Variants in MAST4 observed in about 807,000 individuals in gnomAD.
The protein encoded by MAST4 is microtubule associated serine/threonine kinase family member 4.
Under a neutral mutation model 162.7 loss-of-function variants are expected in MAST4, and 89 were observed. The observed-to-expected ratio is 0.55, with a 90% CI of 0.46 to 0.65. MAST4 has a LOEUF of 0.65. MAST4 is among the 30% of genes least tolerant of loss of function. The probability of loss-of-function intolerance (pLI) is 0.00; values close to 1 mark genes in which losing one functional copy is unlikely to be tolerated. For missense variants in MAST4, 3,153 were observed against 3,374.0 expected (o/e 0.93, Z 1.62); for synonymous variants, 1,479 against 1,361.1 (o/e 1.09, Z -1.91).
chr5:66,641,538 C>T (rs10067213), intron 1 of MAST4, among the ~76,000 whole-genome samples: 46,604 of 152,084 alleles, frequency 0.31, 7,504 homozygotes, highest in African/African-American at 0.4. Context: ...TGGCAGTGAG[C>T]ATCCCTAGTG....
At chr5:67,058,958 C>T (rs550038197) in intron 5 of MAST4, among the ~76,000 whole-genome samples, 6 of 152,180 alleles carry the variant, frequency 3.9e-5, no homozygotes, top group Non-Finnish European at 8.8e-5. Context: ...ATTAATCTTA[C>T]AGTTCTTCAG....
chr5:67,015,249 T>G (rs1183966837), intron 4 of MAST4, among the ~76,000 whole-genome samples: 1 of 152,242 alleles, frequency 6.6e-6, no homozygotes, highest in Non-Finnish European at 1.5e-5. Context: ...GTCCTCGTTT[T>G]AAGCCAGTTC....
At chr5:67,077,890 A>G (rs1448230863) in intron 5 of MAST4, among the ~76,000 whole-genome samples, 10 of 152,186 alleles carry the variant, frequency 6.6e-5, no homozygotes, top group African/African-American at 2.4e-4. Context: ...ACCTGAGGTC[A>G]GGAGTTTGAG....
intron 1 of MAST4, among the ~76,000 whole-genome samples, chr5:66,639,487 A>AT (rs1273540847): frequency 6.6e-6 from 1 of 152,252 alleles, no homozygotes; most frequent in East Asian, 1.9e-4. Flanking sequence ...ACAAATGCAC[A>AT]TAACTATATT....
In MAST4 at chr5:66,949,470, G is replaced by A. The variant is rs148111063; in HGVS notation, c.674+49488G>A. Reference sequence around the variant, plus strand: ...CGGCACTTCTTTTTCCTGCTGCAATGTGAAATAGAATGTGTTTGCTTCCCC... The same window carrying A: ...CGGCACTTCTTTTTCCTGCTGCAATATGAAATAGAATGTGTTTGCTTCCCC... On this transcript the variant is annotated intron_variant, in intron 4 of 28. Transcript: ENST00000403625. Among the ~76,000 whole-genome samples the A allele has an allele frequency of 4.2e-3, 635 of 152,274 alleles. 5 individuals carry two copies. Among genetic ancestry groups the A allele is most frequent in the Middle Eastern group, 0.017 (5 of 294 alleles).
chr5:67,091,217 T>A (rs934994068), intron 6 of MAST4, among the ~76,000 whole-genome samples: 1 of 152,218 alleles, frequency 6.6e-6, no homozygotes, highest in Non-Finnish European at 1.5e-5. Flanking sequence ...TGTCATGCAT[T>A]TTACGTTACT....
chr5:67,161,939 C>G (rs1206143042), intron 27 of MAST4, among the ~76,000 whole-genome samples: 1 of 152,180 alleles, frequency 6.6e-6, no homozygotes, highest in African/African-American at 2.4e-5. Flanking sequence ...GCCCGATGCC[C>G]TGCTAAGGTG....
intron 1 of MAST4, among the ~76,000 whole-genome samples, chr5:66,681,667 A>G (rs1748335595): frequency 6.6e-6 from 1 of 152,180 alleles, no homozygotes; most frequent in South Asian, 2.1e-4. Flanking sequence ...TGTGCTTCTC[A>G]TACAAAAAGG....
chr5:67,103,638 A>G (rs1765273575), intron 9 of MAST4, among the ~76,000 whole-genome samples: 1 of 152,168 alleles, frequency 6.6e-6, no homozygotes, highest in African/African-American at 2.4e-5. Flanking sequence ...TTTTAGATTT[A>G]TTTTACCAAG....
At chr5:66,883,974 A>ACCTGCCT (rs1312292091) in intron 3 of MAST4, among the ~76,000 whole-genome samples, 1 of 152,188 alleles carries the variant, frequency 6.6e-6, no homozygotes, top group Non-Finnish European at 1.5e-5. Flanking sequence ...ATCGTAAGCC[A>ACCTGCCT]CCTGCCTCTT....
At chr5:66,638,128 A>G (rs1034931091) in intron 1 of MAST4, among the ~76,000 whole-genome samples, 1 of 152,174 alleles carries the variant, frequency 6.6e-6, no homozygotes, top group Admixed American at 6.5e-5. Context: ...GGAACCTTCA[A>G]GAGCTCCTTA....
intron 18 of MAST4, among the ~76,000 whole-genome samples, chr5:67,134,897 T>A (rs1045693682): frequency 6.6e-6 from 1 of 152,194 alleles, no homozygotes; most frequent in Admixed American, 6.5e-5. Flanking sequence ...AGAAATGTTG[T>A]TAACATAGAA....
At chr5:66,979,639 C>T (rs915408516) in intron 4 of MAST4, among the ~76,000 whole-genome samples, 1 of 152,164 alleles carries the variant, frequency 6.6e-6, no homozygotes, top group East Asian at 1.9e-4. Context: ...AATTGAATGT[C>T]GTTAATACAT....
chr5:66,693,747 C>G (rs1330579774), intron 1 of MAST4, among the ~76,000 whole-genome samples: 1 of 130,168 alleles, frequency 7.7e-6, no homozygotes, highest in Non-Finnish European at 1.6e-5. Context: ...ATGGTCCTCG[C>G]TCTCCTAGAA....
In MAST4 at chr5:66,926,673, T is replaced by C. The variant is rs1764928470; in HGVS notation, c.674+26691T>C. Among the ~76,000 whole-genome samples the C allele has an allele frequency of 2.0e-5, 3 of 151,864 alleles. No individual in the cohort carries two copies. The South Asian group carries it at 6.2e-4, about 31-fold the overall frequency. ...ATATGTATATATATGTGTGTGTGTA[T>C]ATATATATATTTCCATTATTGTTCC... On this transcript the variant is annotated intron_variant, in intron 4 of 28. Transcript: ENST00000403625.
At chr5:67,000,043 A>G (rs972171311) in intron 4 of MAST4, among the ~76,000 whole-genome samples, 3 of 152,208 alleles carry the variant, frequency 2.0e-5, no homozygotes, top group African/African-American at 7.2e-5. Context: ...GTACAAAATG[A>G]TTACAAGGAT....
rs147507231 is a variant in MAST4 at position 66,796,695 on chromosome 5, T to C, written c.642+7901T>C. Among the ~76,000 whole-genome samples the C allele has an allele frequency of 2.0e-3, 304 of 152,312 alleles. 2 individuals are homozygous for C. The highest frequency in any genetic ancestry group is 7.0e-3 in the African/African-American group (291 of 41,580). ...TTGGAACAGCAATACTACACATATA[T>C]GTACGTAGATCTCTGCATGTTAGAG... On this transcript the variant is annotated intron_variant, in intron 3 of 28. Coordinates refer to ENST00000403625, the MANE Select transcript of MAST4 (RefSeq NM_001164664.2).
chr5:66,957,717 C>A (rs1311952969), intron 4 of MAST4, among the ~76,000 whole-genome samples: 1 of 152,214 alleles, frequency 6.6e-6, no homozygotes, highest in Non-Finnish European at 1.5e-5. Context: ...ATCCTATAAA[C>A]CTCCACTGGC....
rs1258718021 is a variant in MAST4, at chr5:67,164,809, T to G, written c.5630T>G (p.Leu1877Arg). The part of the protein sequence containing the change: ...NKSYLLEPWF[L>R]PPSRGLQNSP... ...TCCTACCTGCTGGAGCCTTGGTTCC[T>G]GCCCCCCAGCCGAGGTCTCCAGAAT... The change falls in exon 29 of 29, where the codon CTG becomes CGG. Residue 1877 changes from leucine (L) to arginine (R), a missense_variant. Leu to Arg is a moderately radical substitution (Grantham distance 102). Coordinates refer to ENST00000403625, the MANE Select transcript of MAST4 (RefSeq NM_001164664.2). The surrounding 1 kb of genome is among the most constrained non-coding windows in gnomAD (Gnocchi z 5.3). 6.2e-7 allele frequency: 1 copy of G among 1,614,012 alleles called. No homozygotes were observed.
Sources: gnomAD v4.1 joint callset for allele counts (sites outside exome capture counted in the v4.1 genomes callset) on GRCh38, gnomAD v4.1.1 for gene constraint, Gnocchi (gnomAD v3.1) non-coding constraint, MANE v1.5 for transcripts, NCBI Gene and HGNC (gene_info 2026-07-23, HGNC 2026-07-21) for gene names.